The following MPPED1 variants were observed in gnomAD, a reference collection of about 807,000 sequenced individuals.
MPPED1 encodes metallophosphoesterase domain containing 1.
A neutral mutation model predicts 36.2 loss-of-function variants in MPPED1; 16 were observed. The ratio of observed to expected loss-of-function variants is 0.44; its 90% CI spans 0.30 to 0.67. MPPED1 has a LOEUF of 0.67. Among genes scored for constraint, MPPED1 ranks in the 30% least tolerant of loss-of-function variants. The probability of loss-of-function intolerance (pLI) is 0.10; values close to 1 mark genes in which losing one functional copy is unlikely to be tolerated. For missense variants in MPPED1, 307 were observed against 453.4 expected, an observed-to-expected ratio of 0.68 and a Z score of 2.93; for synonymous variants, 199 against 191.3, an observed-to-expected ratio of 1.04 and a Z score of -0.33.
intron 4 of MPPED1, among the ~76,000 whole-genome samples, chr22:43,489,214 T>C (rs1333481449): frequency 6.6e-6 from 1 of 152,116 alleles, no homozygotes; most frequent in East Asian, 1.9e-4. Flanking sequence ...GGAGGACCTC[T>C]TCGCACTTCG....
intron 3 of MPPED1, among the ~76,000 whole-genome samples, chr22:43,447,469 C>A (rs1395126632): frequency 6.6e-6 from 1 of 152,082 alleles, no homozygotes; most frequent in Non-Finnish European, 1.5e-5. Context: ...GAAGTTTCCA[C>A]CATCTCCCTG....
At position 43,447,859 on chromosome 22, in the gene MPPED1, T is replaced by TTATATATA. The variant is rs1238294657; in HGVS notation, c.406+12662_406+12669dup. ...TAAAAATATTTTATATATGTAAATA[T>TTATATATA]TATATATATATATATATATATATAT... On this transcript the variant is annotated intron_variant, in intron 3 of 6. Transcript: ENST00000443721. Among the ~76,000 whole-genome samples the TTATATATA allele has an allele frequency of 5.1e-3, 319 of 62,512 alleles. 7 individuals carry two copies. Among genetic ancestry groups the TTATATATA allele is most frequent in the South Asian group, 0.012 (20 of 1,708 alleles). The allele number at this position is 62,512 out of a possible 152,430, so 41.0% of individuals were successfully genotyped here. A position where few individuals can be genotyped will look rare whatever the true frequency, so the allele number is the denominator to read the frequency against.
intron 3 of MPPED1, among the ~76,000 whole-genome samples, chr22:43,463,202 C>A (rs1931014608): frequency 6.6e-6 from 1 of 151,968 alleles, no homozygotes; most frequent in South Asian, 2.1e-4. Context: ...TTTCCAAGCA[C>A]TCTGTTAATG....
At chr22:43,461,850 G>A (rs568080245) in intron 3 of MPPED1, among the ~76,000 whole-genome samples, 115 of 152,266 alleles carry the variant, frequency 7.6e-4, no homozygotes, top group Non-Finnish European at 1.5e-3. Context: ...AACTTTATTA[G>A]CCTCGATTTC....
intron 3 of MPPED1, among the ~76,000 whole-genome samples, chr22:43,472,077 T>C (rs754401087): frequency 2.0e-5 from 3 of 152,180 alleles, no homozygotes; most frequent in Non-Finnish European, 4.4e-5. Context: ...AGGTGGGGAT[T>C]GGGGCCAGCT....
At chr22:43,454,904 T>G (rs958205514) in intron 3 of MPPED1, among the ~76,000 whole-genome samples, 3 of 152,178 alleles carry the variant, frequency 2.0e-5, no homozygotes, top group Admixed American at 6.5e-5. Context: ...GCATTGATAC[T>G]GTGTTGGTTT....
chr22:43,414,061 C>T (rs1928997010), intron 1 of MPPED1, among the ~76,000 whole-genome samples: 1 of 152,156 alleles, frequency 6.6e-6, no homozygotes, highest in South Asian at 2.1e-4. Context: ...GTGGGCTATG[C>T]CTGTAGACAG....
chr22:43,476,746 C>T (rs1287242029), intron 4 of MPPED1, among the ~76,000 whole-genome samples: 1 of 152,068 alleles, frequency 6.6e-6, no homozygotes, highest in Non-Finnish European at 1.5e-5. Context: ...GTGAACCCTC[C>T]CTGCAGCCAG....
chr22:43,428,437 C>T (rs907526623), intron 2 of MPPED1, among the ~76,000 whole-genome samples: 1 of 152,184 alleles, frequency 6.6e-6, no homozygotes, highest in Non-Finnish European at 1.5e-5. Flanking sequence ...TCCCACTGCC[C>T]CTTCATTCAG....
intron 3 of MPPED1, among the ~76,000 whole-genome samples, chr22:43,450,137 T>C (rs940929555): frequency 3.9e-5 from 6 of 152,196 alleles, no homozygotes; most frequent in African/African-American, 1.4e-4. Context: ...CCACTCAGTG[T>C]TCTCTGTGGC....
chr22:43,462,558 G>A (rs1335951632), intron 3 of MPPED1, among the ~76,000 whole-genome samples: 1 of 152,198 alleles, frequency 6.6e-6, no homozygotes, highest in African/African-American at 2.4e-5. Flanking sequence ...ATTTTTGGTT[G>A]AATATTCATT....
In MPPED1 at chr22:43,425,198, G is replaced by C. The variant is rs760492730; in HGVS notation, c.213G>C (p.Pro71=). 1.3e-6 allele frequency: 2 copies of C among 1,582,412 alleles called. No homozygotes were observed. Among genetic ancestry groups the C allele is most frequent in the African/African-American group, 2.7e-5 (2 of 74,134 alleles). ...TCAACCAGGGCCGCTTCCAGCCACC[G>C]CATGTGCAGATGTAAGTGGGACCGG... ...YNINQGRFQP[P]HVQMVDPVPH... The change falls in exon 2 of 7, where the codon CCG becomes CCC. Residue 71 remains proline, a synonymous_variant. Transcript: ENST00000443721.
At position 43,412,156 on chromosome 22, in the gene MPPED1, C is replaced by G; in HGVS notation, c.-81C>G. The G allele has an allele frequency of 1.0e-6, 1 of 978,890 alleles. No individual in the cohort carries two copies. The highest frequency in any genetic ancestry group is 1.2e-6 in the Non-Finnish European group (1 of 827,184). 60.6% of individuals were successfully genotyped at this position (978,890 alleles called of 1,614,324 possible). A position where few individuals can be genotyped will look rare whatever the true frequency, so the allele number is the denominator to read the frequency against. On this transcript the variant is annotated splice_region_variant and 5_prime_UTR_variant, in exon 1 of 7. Transcript: ENST00000443721. The stretch of plus-strand genomic sequence containing the variant: ...CGGCCGCCGAAGAGGAGCCCGGGGC[C>G]AGGTAGGACCGGAGGCGGGCGGGGC...
chr22:43,449,277 C>T (rs1032965230), intron 3 of MPPED1, among the ~76,000 whole-genome samples: 1 of 152,096 alleles, frequency 6.6e-6, no homozygotes, highest in Non-Finnish European at 1.5e-5. Context: ...ATATCCTGGG[C>T]CCTGAGTATA....
rs1602001981 is a variant in MPPED1 at position 43,481,601 on chromosome 22, G to A, written c.632+6640G>A. ...GGGACTCAGTTAAAATCCAGGCCAG[G>A]TTTATTCTCCTGCGATTGAACCTTT... On this transcript the variant is annotated intron_variant, in intron 4 of 6. Coordinates refer to ENST00000443721, the MANE Select transcript of MPPED1 (RefSeq NM_001044370.2). 2.6e-5 allele frequency among the ~76,000 whole-genome samples: 4 copies of A among 152,308 alleles called. No individual in the cohort carries two copies. The South Asian group carries it at 6.2e-4, about 24-fold the overall frequency.
intron 5 of MPPED1, among the ~76,000 whole-genome samples, chr22:43,499,749 ATGGTGATGGAGGTGGCGGTGGTGATGG>A (rs1932583133): frequency 1.4e-4 from 1 of 7,224 alleles, no homozygotes; most frequent in Admixed American, 2.2e-3. Context: ...GGTGGTGGTG[ATGGTGATGGAGGTGGCGGTGGTGATGG>A]TGGAGGTGGT....
intron 3 of MPPED1, among the ~76,000 whole-genome samples, chr22:43,456,354 T>TG (rs774517862): frequency 2.6e-5 from 4 of 152,226 alleles, no homozygotes; most frequent in Non-Finnish European, 5.9e-5. Context: ...CTTGAGTGCC[T>TG]GGGCTTAGGT....
At chr22:43,440,063 C>T (rs1003800082) in intron 3 of MPPED1, among the ~76,000 whole-genome samples, 3 of 152,242 alleles carry the variant, frequency 2.0e-5, no homozygotes, top group East Asian at 1.9e-4. Context: ...TCATGTCCAG[C>T]GCCAGCCAGC....
chr22:43,493,940 C>T (rs1271912889), intron 4 of MPPED1, among the ~76,000 whole-genome samples: 1 of 152,170 alleles, frequency 6.6e-6, no homozygotes, highest in Non-Finnish European at 1.5e-5. Flanking sequence ...AATTCACTCT[C>T]TCACGGTTCT....
Sources: allele counts gnomAD v4.1 joint callset (sites outside exome capture counted in the v4.1 genomes callset), GRCh38; gene constraint gnomAD v4.1.1; transcripts MANE v1.5; gene names NCBI Gene and HGNC (gene_info 2026-07-23, HGNC 2026-07-21).